The following KCTD8 variants were observed in gnomAD, a reference collection of about 807,000 sequenced individuals.
KCTD8 encodes potassium channel tetramerization domain containing 8.
In KCTD8, 27 loss-of-function variants were observed where a neutral mutation model predicts 31.5. That is an observed-to-expected ratio of 0.86 (90% CI 0.63 to 1.18). The LOEUF (loss-of-function observed/expected upper bound fraction) is 1.18. Among genes scored for constraint, KCTD8 ranks in the 50% most tolerant of loss-of-function variants. The probability of loss-of-function intolerance (pLI) is 0.00; values close to 1 mark genes in which losing one functional copy is unlikely to be tolerated. For synonymous variants in KCTD8, 290 were observed against 280.0 expected (o/e 1.04, Z -0.36); for missense variants, 658 against 647.7 (o/e 1.02, Z -0.17).
intron 1 of KCTD8, among the ~76,000 whole-genome samples, chr4:44,244,133 C>G (rs1447354079): frequency 2.6e-5 from 4 of 152,158 alleles, no homozygotes; most frequent in Non-Finnish European, 4.4e-5. Context: ...ATTTGCTAAA[C>G]CTGGCAACCC....
intron 1 of KCTD8, among the ~76,000 whole-genome samples, chr4:44,375,043 T>C (rs1365699682): frequency 3.9e-5 from 6 of 152,204 alleles, no homozygotes; most frequent in African/African-American, 1.2e-4. Context: ...GGTATGCCTA[T>C]AATTTTAAAG....
chr4:44,229,582 G>C (rs1277503507), intron 1 of KCTD8, among the ~76,000 whole-genome samples: 2 of 152,134 alleles, frequency 1.3e-5, no homozygotes, highest in African/African-American at 4.8e-5. Context: ...TGCCAGAGGT[G>C]GGTCAGCCTA....
chr4:44,373,243 C>T (rs959430327), intron 1 of KCTD8, among the ~76,000 whole-genome samples: 6 of 151,998 alleles, frequency 3.9e-5, no homozygotes, highest in African/African-American at 1.5e-4. Context: ...TGCCTGTAGT[C>T]CCAGCTACTC....
At chr4:44,269,472 A>T (rs555146166) in intron 1 of KCTD8, among the ~76,000 whole-genome samples, 99 of 151,652 alleles carry the variant, frequency 6.5e-4, no homozygotes, top group Non-Finnish European at 1.0e-3. Context: ...TTCAGGACAT[A>T]GGCATGGGCA....
At chr4:44,268,660 A>C (rs1004247933) in intron 1 of KCTD8, among the ~76,000 whole-genome samples, 6 of 152,214 alleles carry the variant, frequency 3.9e-5, no homozygotes, top group African/African-American at 9.7e-5. Context: ...GTCTCAGCCC[A>C]AAAACTCCTT....
Position 44,377,521 on chromosome 4 carries a change from C to T in KCTD8, c.961+70042G>A, listed in dbSNP as rs114068070. ...AAGCATAGCCTAAAAGAAGGCACAGCTGCAGGGTGATCACCAGTCCTTGGT... is the reference window on the plus strand; with the variant it reads ...AAGCATAGCCTAAAAGAAGGCACAGTTGCAGGGTGATCACCAGTCCTTGGT... On this transcript the variant is annotated intron_variant, in intron 1 of 1. Coordinates refer to ENST00000360029, the MANE Select transcript of KCTD8 (RefSeq NM_198353.3). 6.0e-3 allele frequency among the ~76,000 whole-genome samples: 908 copies of T among 152,248 alleles called. 9 individuals are homozygous for T. The highest frequency in any genetic ancestry group is 0.015 in the South Asian group (73 of 4,820).
intron 1 of KCTD8, among the ~76,000 whole-genome samples, chr4:44,281,857 C>T (rs1716914218): frequency 6.6e-6 from 1 of 152,050 alleles, no homozygotes; most frequent in East Asian, 1.9e-4. Context: ...GCTTGTATTC[C>T]CTATCCATGT....
intron 1 of KCTD8, among the ~76,000 whole-genome samples, chr4:44,386,526 T>G (rs1720214633): frequency 6.6e-6 from 1 of 151,468 alleles, no homozygotes; most frequent in Non-Finnish European, 1.5e-5. Flanking sequence ...ATCAGAGAAA[T>G]TCAAATTAAA....
intron 1 of KCTD8, among the ~76,000 whole-genome samples, chr4:44,303,201 C>G (rs1717684739): frequency 6.6e-6 from 1 of 152,018 alleles, no homozygotes; most frequent in African/African-American, 2.4e-5. Flanking sequence ...GTGTCTCTGC[C>G]CAGCTTTGGA....
intron 1 of KCTD8, among the ~76,000 whole-genome samples, chr4:44,181,362 C>A (rs1041657852): frequency 6.6e-6 from 1 of 152,210 alleles, no homozygotes; most frequent in Non-Finnish European, 1.5e-5. Context: ...TCTCCTGCCT[C>A]AGCCTGCCGA....
chr4:44,306,467 T>A (rs1717809344), intron 1 of KCTD8, among the ~76,000 whole-genome samples: 1 of 152,028 alleles, frequency 6.6e-6, no homozygotes, highest in South Asian at 2.1e-4. Context: ...TCTTCACATT[T>A]CTTTATCAAA....
chr4:44,396,558 GT>G (rs557023301), intron 1 of KCTD8, among the ~76,000 whole-genome samples: 44 of 151,206 alleles, frequency 2.9e-4, no homozygotes, highest in African/African-American at 6.5e-4. Flanking sequence ...ACTTTTTCAT[GT>G]TTTTTTCTCA....
At chr4:44,263,528 A>G (rs967467652) in intron 1 of KCTD8, among the ~76,000 whole-genome samples, 1 of 152,182 alleles carries the variant, frequency 6.6e-6, no homozygotes, top group African/African-American at 2.4e-5. Flanking sequence ...TATACAATTT[A>G]GTATTTTGTT....
At position 44,448,165 on chromosome 4, in the gene KCTD8, A is replaced by C. The variant is rs760280100; in HGVS notation, c.359T>G (p.Leu120Arg). The C allele has an allele frequency of 1.2e-5, 19 of 1,612,392 alleles. No homozygotes were observed. The highest frequency in any genetic ancestry group is 5.5e-5 in the South Asian group (5 of 91,052). Residue 120 changes from leucine (L) to arginine (R), a missense_variant, in exon 1 of 2, where the codon CTG becomes CGG. Physicochemically the swap from Leu to Arg is moderately radical, Grantham distance 102. Coordinates refer to ENST00000360029, the MANE Select transcript of KCTD8 (RefSeq NM_198353.3). The surrounding 1 kb of genome is among the most constrained non-coding windows in gnomAD (Gnocchi z 4.1). Reference sequence around the variant, plus strand: ...CTCCTTCTCGGGGAAGTGCTCCGGCAGCGCGAGTTGCTTGTCCCGCAGATA... The same window carrying C: ...CTCCTTCTCGGGGAAGTGCTCCGGCCGCGCGAGTTGCTTGTCCCGCAGATA... Reference protein sequence around the residue: ...LDYLRDKQLALPEHFPEKERL... With the variant: ...LDYLRDKQLARPEHFPEKERL...
chr4:44,316,283 T>C (rs1205878879), intron 1 of KCTD8, among the ~76,000 whole-genome samples: 9 of 152,134 alleles, frequency 5.9e-5, no homozygotes, highest in East Asian at 1.9e-4. Flanking sequence ...TTTATAAACA[T>C]TTTTTCCAAT....
chr4:44,303,882 A>G (rs767013092), intron 1 of KCTD8, among the ~76,000 whole-genome samples: 4 of 152,188 alleles, frequency 2.6e-5, no homozygotes, highest in Admixed American at 6.5e-5. Context: ...GAAAGCAAGC[A>G]TTCTTTAAAT....
At chr4:44,307,907 T>C (rs529011064) in intron 1 of KCTD8, among the ~76,000 whole-genome samples, 3 of 152,096 alleles carry the variant, frequency 2.0e-5, no homozygotes, top group Non-Finnish European at 2.9e-5. Flanking sequence ...ATGTATAACA[T>C]TTTAAAGAGA....
At chr4:44,256,918 G>A (rs1228669542) in intron 1 of KCTD8, among the ~76,000 whole-genome samples, 5 of 151,914 alleles carry the variant, frequency 3.3e-5, no homozygotes, top group Non-Finnish European at 7.4e-5. Flanking sequence ...TGTTATAGGA[G>A]CAATAGAAAA....
intron 1 of KCTD8, among the ~76,000 whole-genome samples, chr4:44,280,316 G>A (rs914034422): frequency 6.6e-6 from 1 of 152,012 alleles, no homozygotes; most frequent in African/African-American, 2.4e-5. Flanking sequence ...GACAATATAT[G>A]ATTCATACTG....
Sources: allele counts gnomAD v4.1 joint callset (sites outside exome capture counted in the v4.1 genomes callset), GRCh38; gene constraint gnomAD v4.1.1; non-coding constraint Gnocchi (gnomAD v3.1); transcripts MANE v1.5; gene names NCBI Gene and HGNC (gene_info 2026-07-23, HGNC 2026-07-21).